Variants in TMTC2 observed in about 807,000 individuals in gnomAD.
TMTC2 encodes protein O-mannosyl-transferase TMTC2.
Under a neutral mutation model 82.4 loss-of-function variants are expected in TMTC2, and 43 were observed. The ratio of observed to expected loss-of-function variants is 0.52; its 90% CI spans 0.41 to 0.67. The LOEUF (loss-of-function observed/expected upper bound fraction) is 0.67, where lower values mean the gene tolerates loss of function less well. TMTC2 is among the 30% of genes least tolerant of loss of function. The pLI is 0.00. For missense variants in TMTC2, 919 were observed against 1,012.4 expected, an observed-to-expected ratio of 0.91 and a Z score of 1.25; for synonymous variants, 408 against 381.9, an observed-to-expected ratio of 1.07 and a Z score of -0.80.
chr12:82,989,308 A>G (rs1228212028), intron 8 of TMTC2, among the ~76,000 whole-genome samples: 2 of 152,108 alleles, frequency 1.3e-5, no homozygotes, highest in Non-Finnish European at 2.9e-5. Context: ...AAGGGAAAGA[A>G]CAATAACTAA....
chr12:82,714,303 A>G (rs1267407774), intron 1 of TMTC2, among the ~76,000 whole-genome samples: 1 of 152,256 alleles, frequency 6.6e-6, no homozygotes, highest in Non-Finnish European at 1.5e-5. Context: ...TAAATTTTAT[A>G]TGAAAAATAA....
At chr12:82,908,743 T>C (rs1022035472) in intron 3 of TMTC2, among the ~76,000 whole-genome samples, 3 of 152,160 alleles carry the variant, frequency 2.0e-5, no homozygotes, top group Non-Finnish European at 4.4e-5. Flanking sequence ...TTTTCTTCTA[T>C]ATTAGGTAGA....
At chr12:83,056,605 G>A (rs140333889) in intron 10 of TMTC2, among the ~76,000 whole-genome samples, 123 of 152,020 alleles carry the variant, frequency 8.1e-4, no homozygotes, top group Middle Eastern at 6.8e-3. Flanking sequence ...CAGATTGTGT[G>A]TGCTTACGTG....
At chr12:82,977,932 T>C (rs1177983514) in intron 7 of TMTC2, among the ~76,000 whole-genome samples, 1 of 151,708 alleles carries the variant, frequency 6.6e-6, no homozygotes, top group Non-Finnish European at 1.5e-5. Flanking sequence ...AACAAAACAC[T>C]GGAAGGAACC....
At chr12:82,723,988 T>C (rs967367886) in intron 1 of TMTC2, among the ~76,000 whole-genome samples, 14 of 152,234 alleles carry the variant, frequency 9.2e-5, no homozygotes, top group Non-Finnish European at 1.0e-4. Context: ...CCACTTAATT[T>C]TTCTGACTTC....
intron 1 of TMTC2, among the ~76,000 whole-genome samples, chr12:82,707,722 A>G (rs1873429206): frequency 6.6e-6 from 1 of 152,210 alleles, no homozygotes; most frequent in South Asian, 2.1e-4. Context: ...GTGTGACACT[A>G]TATGGAATAG....
chr12:82,700,277 A>T (rs1020830170), intron 1 of TMTC2, among the ~76,000 whole-genome samples: 1 of 152,346 alleles, frequency 6.6e-6, no homozygotes, highest in African/African-American at 2.4e-5. Context: ...AGTTATGTAA[A>T]GTACTTGGAA....
chr12:82,797,573 CA>C (rs1274196775), intron 1 of TMTC2, among the ~76,000 whole-genome samples: 1 of 151,978 alleles, frequency 6.6e-6, no homozygotes, highest in African/African-American at 2.4e-5. Flanking sequence ...TCTAGGCAGA[CA>C]AAAATGAGTC....
intron 1 of TMTC2, among the ~76,000 whole-genome samples, chr12:82,802,085 AG>A (rs1239659661): frequency 6.6e-6 from 1 of 152,020 alleles, no homozygotes; most frequent in Non-Finnish European, 1.5e-5. Flanking sequence ...GCCATGGAGC[AG>A]GGGGTGGCGT....
At chr12:82,948,571 T>A (rs1407497795) in intron 4 of TMTC2, among the ~76,000 whole-genome samples, 1 of 152,188 alleles carries the variant, frequency 6.6e-6, no homozygotes, top group East Asian at 1.9e-4. Context: ...TAACACCTAT[T>A]CCCGCTGGTC....
At chr12:82,930,597 G>A (rs778101960) in intron 4 of TMTC2, 52 bp downstream of exon 4, 3 of 1,110,816 alleles carry the variant, frequency 2.7e-6, no homozygotes, top group Admixed American at 3.9e-5. Context: ...CCTGCAGTGA[G>A]AGGGACTATT....
chr12:82,969,823 A>T (rs775346731), intron 7 of TMTC2, among the ~76,000 whole-genome samples: 2 of 152,192 alleles, frequency 1.3e-5, no homozygotes, highest in Non-Finnish European at 2.9e-5. Flanking sequence ...TGTTTGAGTA[A>T]CAATAATTGA....
chr12:82,991,117 A>G (rs1879382754), intron 8 of TMTC2, among the ~76,000 whole-genome samples: 1 of 152,290 alleles, frequency 6.6e-6, no homozygotes, highest in African/African-American at 2.4e-5. Context: ...TCTGAGCTTC[A>G]AAGGTTTGAG....
Position 82,829,105 on chromosome 12 carries a change from A to G in TMTC2, c.84-27905A>G, listed in dbSNP as rs532415929. On this transcript the variant is annotated intron_variant, in intron 1 of 11. Coordinates refer to ENST00000321196, the MANE Select transcript of TMTC2 (RefSeq NM_152588.3). ...GTCCATGTTAGGCAGTAAGTCTTAA[A>G]ACACTTTTAATTTCCTGAGTACACT... 3.6e-4 allele frequency among the ~76,000 whole-genome samples: 55 copies of G among 152,278 alleles called. No homozygotes were observed. The East Asian group carries it at 9.6e-3, about 27-fold the overall frequency.
intron 7 of TMTC2, among the ~76,000 whole-genome samples, chr12:82,975,899 A>ATTT (rs1565835762): frequency 1.1e-3 from 22 of 19,820 alleles, no homozygotes; most frequent in African/African-American, 1.7e-3. Context: ...CTTTTTTTTA[A>ATTT]AAAAAAAATA....
At chr12:83,087,256 T>C (rs1883691996) in intron 11 of TMTC2, among the ~76,000 whole-genome samples, 1 of 152,212 alleles carries the variant, frequency 6.6e-6, no homozygotes, top group Non-Finnish European at 1.5e-5. Flanking sequence ...TTCAATTACA[T>C]CTTCAGGGTC....
intron 1 of TMTC2, among the ~76,000 whole-genome samples, chr12:82,815,533 G>T (rs894916222): frequency 6.6e-6 from 1 of 151,866 alleles, no homozygotes; most frequent in African/African-American, 2.4e-5. Context: ...AGGATGGTCT[G>T]GACCTCCTGC....
intron 2 of TMTC2, among the ~76,000 whole-genome samples, chr12:82,859,361 C>T (rs576953789): frequency 1.6e-4 from 24 of 152,174 alleles, no homozygotes; most frequent in East Asian, 5.8e-4. Flanking sequence ...CCACCGCACC[C>T]GGTTGTGATT....
intron 1 of TMTC2, among the ~76,000 whole-genome samples, chr12:82,843,125 C>CT (rs1291715280): frequency 3.1e-5 from 4 of 127,930 alleles, no homozygotes; most frequent in African/African-American, 5.3e-5. Context: ...TTCTTTCTTT[C>CT]TTTTTTTTTG....
Sources: allele counts gnomAD v4.1 joint callset (sites outside exome capture counted in the v4.1 genomes callset), GRCh38; gene constraint gnomAD v4.1.1; transcripts MANE v1.5; gene names NCBI Gene and HGNC (gene_info 2026-07-23, HGNC 2026-07-21).